MN1: variants seen among roughly 807,000 people sequenced by gnomAD.
MN1 encodes the protein transcriptional activator MN1.
A neutral mutation model predicts 86.9 loss-of-function variants in MN1; 19 were observed. The observed-to-expected ratio is 0.22, with a 90% CI of 0.15 to 0.32. The LOEUF is 0.32. Ranked by LOEUF, MN1 falls within the 10% of genes least tolerant of loss-of-function variation. The pLI, the probability that MN1 is intolerant of heterozygous loss-of-function variation, is 1.00. For missense variants in MN1, 1,841 were observed against 1,862.0 expected (o/e 0.99, Z 0.21); for synonymous variants, 928 against 849.6 (o/e 1.09, Z -1.60).
At position 27,801,035 on chromosome 22, in the gene MN1, C is replaced by T. The variant is rs903655601; in HGVS notation, c.-492G>A. ...GCTGCTAAGGGCAGGGGAGGGAGAC[C>T]CTTCAAAGCCGCGGCTGGCGCCGGG... On this transcript the variant is annotated 5_prime_UTR_variant, in exon 1 of 2. Transcript: ENST00000302326. 4.1e-6 allele frequency: 1 copy of T among 243,024 alleles called. No homozygotes were observed. The allele number at this position is 243,024 out of a possible 1,614,324, so 15.1% of individuals were successfully genotyped here. A position where few individuals can be genotyped will look rare whatever the true frequency, so the allele number is the denominator to read the frequency against.
At chr22:27,764,271 T>A (rs993068116) in intron 1 of MN1, among the ~76,000 whole-genome samples, 1 of 152,208 alleles carries the variant, frequency 6.6e-6, no homozygotes, top group Non-Finnish European at 1.5e-5. Context: ...ACCAAGTCCC[T>A]TGTATTCTCC....
chr22:27,755,211 CCA>C (rs1162866381), intron 1 of MN1, among the ~76,000 whole-genome samples: 2 of 152,172 alleles, frequency 1.3e-5, no homozygotes, highest in Admixed American at 1.3e-4. Flanking sequence ...GTCTGCAGAG[CCA>C]CAGTTTCCTC....
At position 27,800,872 on chromosome 22, in the gene MN1, A is replaced by C; in HGVS notation, c.-329T>G. 4 of 382,018 alleles carry C rather than the reference A, an allele frequency of 1.0e-5. No individual in the cohort carries two copies. Among genetic ancestry groups the C allele is most frequent in the Non-Finnish European group, 1.9e-5 (4 of 207,196 alleles). The allele number at this position is 382,018 out of a possible 1,614,324, so 23.7% of individuals were successfully genotyped here. A position where few individuals can be genotyped will look rare whatever the true frequency, so the allele number is the denominator to read the frequency against. The stretch of plus-strand genomic sequence containing the variant: ...GGGGAGGGGACGAAGCCGCGGATGA[A>C]CGGAGACAAAAAGTTAAGTGGGGGG... On this transcript the variant is annotated 5_prime_UTR_variant, in exon 1 of 2. Transcript: ENST00000302326.
At chr22:27,766,475 G>T (rs1047862737) in intron 1 of MN1, among the ~76,000 whole-genome samples, 1 of 152,134 alleles carries the variant, frequency 6.6e-6, no homozygotes, top group Non-Finnish European at 1.5e-5. Flanking sequence ...GGGGAGTGGG[G>T]TAAGTGACTG....
chr22:27,759,191 A>T (rs1319238688), intron 1 of MN1, among the ~76,000 whole-genome samples: 1 of 151,930 alleles, frequency 6.6e-6, no homozygotes, highest in African/African-American at 2.4e-5. Context: ...AAGGTGGAGG[A>T]TTTGACCCCT....
intron 1 of MN1, among the ~76,000 whole-genome samples, chr22:27,763,294 G>A (rs1363639654): frequency 6.6e-6 from 1 of 152,210 alleles, no homozygotes; most frequent in East Asian, 1.9e-4. Context: ...CCATGGGTCT[G>A]CCAGGAGCTC....
chr22:27,794,283 A>G (rs1427511359), intron 1 of MN1, among the ~76,000 whole-genome samples: 1 of 152,200 alleles, frequency 6.6e-6, no homozygotes, highest in Non-Finnish European at 1.5e-5. Flanking sequence ...TACTACCAGT[A>G]AGGGAGCAGG....
At position 27,800,073 on chromosome 22, in the gene MN1, C is replaced by T. The variant is rs1933402917; in HGVS notation, c.471G>A (p.Ala157=). ...PPFAEGYEHM[A]ESQGPESFGP... The stretch of plus-strand genomic sequence containing the variant: ...CGAAGCTCTCAGGCCCCTGGCTCTC[C>T]GCCATGTGCTCATAGCCCTCGGCGA... The change falls in exon 1 of 2, where the codon GCG becomes GCA. Residue 157 remains alanine, a synonymous_variant. Coordinates refer to ENST00000302326, the MANE Select transcript of MN1 (RefSeq NM_002430.3). 3.1e-6 allele frequency: 5 copies of T among 1,598,738 alleles called. No individual in the cohort carries two copies. The South Asian group carries it at 5.5e-5, about 18-fold the overall frequency.
At chr22:27,759,793 T>C (rs754549920) in intron 1 of MN1, among the ~76,000 whole-genome samples, 1 of 152,244 alleles carries the variant, frequency 6.6e-6, no homozygotes, top group Non-Finnish European at 1.5e-5. Flanking sequence ...TCTGTCACCT[T>C]GCTTGCTGTG....
At chr22:27,752,162 G>A (rs377312760) in intron 1 of MN1, among the ~76,000 whole-genome samples, 7 of 152,156 alleles carry the variant, frequency 4.6e-5, no homozygotes, top group Non-Finnish European at 7.3e-5. Context: ...TTGTAGCTCC[G>A]CAAAGGGACC....
intron 1 of MN1, 110 bp downstream of exon 1, chr22:27,796,653 G>A: frequency 8.9e-7 from 1 of 1,121,850 alleles, no homozygotes; most frequent in African/African-American, 1.6e-5. Context: ...GGGATTAGGA[G>A]GGTTTGTGCC....
intron 1 of MN1, among the ~76,000 whole-genome samples, chr22:27,785,403 T>TC (rs1388414089): frequency 1.3e-5 from 2 of 151,642 alleles, no homozygotes; most frequent in Admixed American, 6.6e-5. Context: ...ACCAAAGGAG[T>TC]CCTCCCCCAC....
chr22:27,786,782 C>A (rs531012930), intron 1 of MN1, among the ~76,000 whole-genome samples: 1 of 150,914 alleles, frequency 6.6e-6, no homozygotes, highest in African/African-American at 2.4e-5. Context: ...GTGGTGGGAA[C>A]CTAGACTACT....
In MN1 at chr22:27,799,591, C is replaced by T; in HGVS notation, c.953G>A (p.Ser318Asn). The T allele has an allele frequency of 6.6e-7, 1 of 1,525,782 alleles. No individual in the cohort carries two copies. The highest frequency in any genetic ancestry group is 2.5e-5 in the East Asian group (1 of 40,688). 94.5% of individuals were successfully genotyped at this position (1,525,782 alleles called of 1,614,324 possible). Residue 318 changes from serine (S) to asparagine (N), a missense_variant, in exon 1 of 2, where the codon AGT becomes AAT. Physicochemically the swap from Ser to Asn is conservative, Grantham distance 46. Coordinates refer to ENST00000302326, the MANE Select transcript of MN1 (RefSeq NM_002430.3). ...ACCCACAGGCATCTTTCTGGCCCCACTGAACCTCTCAAAGAACACACCATG... is the reference window on the plus strand; with the variant it reads ...ACCCACAGGCATCTTTCTGGCCCCATTGAACCTCTCAAAGAACACACCATG... ...QQHGVFFERF[S>N]GARKMPVGLE...
chr22:27,780,496 G>T (rs1933038617), intron 1 of MN1, among the ~76,000 whole-genome samples: 1 of 152,114 alleles, frequency 6.6e-6, no homozygotes, highest in African/African-American at 2.4e-5. Flanking sequence ...CACTTTGGTG[G>T]CTTGAAATTA....
chr22:27,782,231 G>A (rs1933063727), intron 1 of MN1, among the ~76,000 whole-genome samples: 1 of 152,186 alleles, frequency 6.6e-6, no homozygotes, highest in South Asian at 2.1e-4. Context: ...GAGAAGGTCT[G>A]CACATATAAT....
intron 1 of MN1, among the ~76,000 whole-genome samples, chr22:27,777,933 C>A (rs1224559579): frequency 1.3e-5 from 2 of 151,826 alleles, no homozygotes; most frequent in African/African-American, 2.4e-5. Context: ...TCATTTTTAT[C>A]CTGAGTCAGT....
At chr22:27,770,784 A>G (rs1932907741) in intron 1 of MN1, among the ~76,000 whole-genome samples, 1 of 151,408 alleles carries the variant, frequency 6.6e-6, no homozygotes, top group Non-Finnish European at 1.5e-5. Context: ...CAACCTTCCC[A>G]GTAGCTGAGA....
chr22:27,800,648 C>A lies in MN1; in HGVS notation c.-105G>T. 1.3e-6 allele frequency: 2 copies of A among 1,535,060 alleles called. No homozygotes were observed. The highest frequency in any genetic ancestry group is 1.2e-5 in the South Asian group (1 of 83,330). ...CAGCCCAGGATTGGGCGCTCCGGGA[C>A]GCTCAGCACCGCGGGGGCTCAGCGC... On this transcript the variant is annotated 5_prime_UTR_variant, in exon 1 of 2. Coordinates refer to ENST00000302326, the MANE Select transcript of MN1 (RefSeq NM_002430.3).
Sources: gnomAD v4.1 joint callset for allele counts (sites outside exome capture counted in the v4.1 genomes callset) on GRCh38, gnomAD v4.1.1 for gene constraint, MANE v1.5 for transcripts, NCBI Gene and HGNC (gene_info 2026-07-23, HGNC 2026-07-21) for gene names.